Variants in EYS observed in about 807,000 individuals in gnomAD.
The protein encoded by EYS is EGF-like photoreceptor maintenance factor.
EYS carries 250 observed loss-of-function variants against 282.1 expected under a neutral mutation model. The observed-to-expected ratio is 0.89, with a 90% CI of 0.80 to 0.98. The LOEUF (loss-of-function observed/expected upper bound fraction) is 0.98, where lower values mean the gene tolerates loss of function less well. Ranked by LOEUF, EYS falls within the 50% of genes least tolerant of loss-of-function variation. EYS has a pLI of 0.00. For missense variants in EYS, 4,016 were observed against 3,709.0 expected (o/e 1.08, Z -2.15); for synonymous variants, 1,355 against 1,282.9 (o/e 1.06, Z -1.20).
At chr6:63,862,829 C>A (rs1323621074) in intron 36 of EYS, among the ~76,000 whole-genome samples, 3 of 112,152 alleles carry the variant, frequency 2.7e-5, no homozygotes, top group Non-Finnish European at 6.8e-5. Flanking sequence ...TGTAATATAA[C>A]CCTGCCACAC....
chr6:65,208,983 T>G (rs973688645), intron 12 of EYS, among the ~76,000 whole-genome samples: 3 of 151,966 alleles, frequency 2.0e-5, no homozygotes, highest in South Asian at 2.1e-4. Flanking sequence ...AAAATAGGAC[T>G]TAAACATAAA....
chr6:65,412,606 T>C (rs9363357), intron 5 of EYS, among the ~76,000 whole-genome samples: 30,743 of 152,078 alleles, frequency 0.2, 3,905 homozygotes, highest in Non-Finnish European at 0.27. Context: ...TCTTTTCATG[T>C]ACTTATTTGC....
intron 26 of EYS, among the ~76,000 whole-genome samples, chr6:64,458,814 C>T (rs1184019678): frequency 1.3e-5 from 2 of 151,990 alleles, no homozygotes; most frequent in Admixed American, 6.6e-5. Flanking sequence ...GCTAAATAAC[C>T]GAGGCTTGTG....
In EYS at chr6:63,918,693, A is replaced by G. The variant is rs529460157; in HGVS notation, c.7056-54335T>C. ...AGGGTATTCAAAGCCAGCAGCACTC[A>G]CCTCACTTATTATAAGTGCTGTATA... On this transcript the variant is annotated intron_variant, in intron 35 of 42. Coordinates refer to ENST00000503581, the MANE Select transcript of EYS (RefSeq NM_001142800.2). Among the ~76,000 whole-genome samples, 22 of 152,284 alleles carry G rather than the reference A, an allele frequency of 1.4e-4. 1 individual carries two copies. The South Asian group carries it at 1.9e-3, about 13-fold the overall frequency.
intron 26 of EYS, among the ~76,000 whole-genome samples, chr6:64,583,849 C>A (rs539539840): frequency 1.3e-5 from 2 of 151,606 alleles, no homozygotes; most frequent in African/African-American, 4.8e-5. Context: ...TTCACTAAAA[C>A]GTAAATAATA....
rs145703982 is a variant in EYS at position 64,240,711 on chromosome 6, G to A, written c.6192-9887C>T. ...GTCATCTGCAAACAGAGACAATTTG[G>A]CTTCCTCTTTTCCTGATTGAATACC... is the stretch of plus-strand genomic sequence containing the variant. On this transcript the variant is annotated intron_variant, in intron 30 of 42. Transcript: ENST00000503581. Among the ~76,000 whole-genome samples the A allele has an allele frequency of 3.9e-5, 6 of 152,138 alleles. No homozygotes were observed. The East Asian group carries it at 9.7e-4, about 24-fold the overall frequency.
intron 12 of EYS, among the ~76,000 whole-genome samples, chr6:65,294,367 A>C (rs555025034): frequency 6.6e-6 from 1 of 152,058 alleles, no homozygotes; most frequent in Non-Finnish European, 1.5e-5. Context: ...CACAATAGAA[A>C]ATACAGGCCT....
intron 12 of EYS, among the ~76,000 whole-genome samples, chr6:65,238,374 A>G (rs957494785): frequency 9.2e-5 from 14 of 151,848 alleles, no homozygotes; most frequent in African/African-American, 2.6e-4. Flanking sequence ...GTCAGAAGAA[A>G]TAATCCAAAG....
At chr6:65,639,674 GAA>G (rs1767213083) in intron 2 of EYS, 102 bp downstream of exon 2, 1 of 152,116 alleles carries the variant, frequency 6.6e-6, no homozygotes, top group Non-Finnish European at 1.5e-5. Context: ...AATGAATGGT[GAA>G]AGATTCTGAA....
intron 35 of EYS, among the ~76,000 whole-genome samples, chr6:63,923,481 G>A (rs1764629091): frequency 6.6e-6 from 1 of 152,082 alleles, no homozygotes. Flanking sequence ...AAAGAAAATA[G>A]CAAATAACAC....
At chr6:65,250,216 C>T (rs1452306678) in intron 12 of EYS, among the ~76,000 whole-genome samples, 1 of 152,020 alleles carries the variant, frequency 6.6e-6, no homozygotes, top group Non-Finnish European at 1.5e-5. Flanking sequence ...CATACTAAAA[C>T]TATGCTCTAT....
intron 31 of EYS, among the ~76,000 whole-genome samples, chr6:64,192,341 C>T (rs1220513618): frequency 6.6e-6 from 1 of 152,012 alleles, no homozygotes; most frequent in Non-Finnish European, 1.5e-5. Context: ...TAATTAGATC[C>T]CATTTGTCAA....
chr6:65,540,879 C>T (rs750390903), intron 2 of EYS, among the ~76,000 whole-genome samples: 1 of 152,062 alleles, frequency 6.6e-6, no homozygotes, highest in African/African-American at 2.4e-5. Context: ...GCCGAGATCA[C>T]GCCATTGCAC....
At chr6:64,918,933 A>G (rs776079876) in intron 15 of EYS, among the ~76,000 whole-genome samples, 14 of 152,234 alleles carry the variant, frequency 9.2e-5, no homozygotes, top group Non-Finnish European at 1.9e-4. Context: ...CATTCTAACA[A>G]ATAATACTAG....
chr6:65,106,529 AGGC>A (rs1173190558), intron 12 of EYS, among the ~76,000 whole-genome samples: 2 of 152,054 alleles, frequency 1.3e-5, no homozygotes, highest in African/African-American at 4.8e-5. Context: ...AGCCTACAAA[AGGC>A]ATACCTACGT....
intron 8 of EYS, among the ~76,000 whole-genome samples, chr6:65,365,179 T>C (rs1350744872): frequency 6.6e-6 from 1 of 151,682 alleles, no homozygotes; most frequent in Non-Finnish European, 1.5e-5. Flanking sequence ...GAAGTAAGAA[T>C]AGTCAAGAAC....
chr6:64,696,793 C>A (rs1329005293), intron 22 of EYS, among the ~76,000 whole-genome samples: 2 of 152,054 alleles, frequency 1.3e-5, no homozygotes, highest in Admixed American at 1.3e-4. Flanking sequence ...CAAGCAAATG[C>A]TAAGGAAATT....
rs1347507347 is a variant in EYS, at chr6:65,188,454, T to C, written c.2023+107409A>G. 4.6e-5 allele frequency among the ~76,000 whole-genome samples: 7 copies of C among 151,770 alleles called. No individual in the cohort carries two copies. In the East Asian group the frequency reaches 1.2e-3, roughly 25 times the overall value. ...TTCTATTAAAAATATATGCTTGAGA[T>C]TCATGGTAGCTTAAATTTATCCAGG... On this transcript the variant is annotated intron_variant, in intron 12 of 42. Transcript: ENST00000503581.
At chr6:64,183,150 C>A (rs1309442678) in intron 31 of EYS, among the ~76,000 whole-genome samples, 1 of 152,146 alleles carries the variant, frequency 6.6e-6, no homozygotes, top group Non-Finnish European at 1.5e-5. Flanking sequence ...CTCCCTCCTG[C>A]CACGATGTGA....
Sources: gnomAD v4.1 joint callset for allele counts (sites outside exome capture counted in the v4.1 genomes callset) on GRCh38, gnomAD v4.1.1 for gene constraint, MANE v1.5 for transcripts, NCBI Gene and HGNC (gene_info 2026-07-23, HGNC 2026-07-21) for gene names.